COL25A1: variants seen among roughly 807,000 people sequenced by gnomAD.
COL25A1 encodes the protein collagen type XXV alpha 1 chain, also known as collagen alpha-1(XXV) chain.
In COL25A1, 103 loss-of-function variants were observed where a neutral mutation model predicts 128.4. The observed-to-expected ratio is 0.80, with a 90% CI of 0.68 to 0.94. COL25A1 has a LOEUF of 0.94. Ranked by LOEUF, COL25A1 falls within the 40% of genes least tolerant of loss-of-function variation. COL25A1 has a pLI of 0.00. For synonymous variants in COL25A1, 279 were observed against 277.2 expected (o/e 1.01, Z -0.06); for missense variants, 745 against 840.0 (o/e 0.89, Z 1.40).
At chr4:108,826,731 T>TA (rs1426233655) in intron 33 of COL25A1, among the ~76,000 whole-genome samples, 3 of 152,156 alleles carry the variant, frequency 2.0e-5, no homozygotes, top group Non-Finnish European at 4.4e-5. Context: ...TAGGAACAGA[T>TA]AAAGTCTGAA....
rs181240850 is a variant in COL25A1, at chr4:108,981,335, T to A, written c.439-6776A>T. 3.3e-3 allele frequency among the ~76,000 whole-genome samples: 504 copies of A among 152,364 alleles called. 3 individuals are homozygous for A. The highest frequency in any genetic ancestry group is 0.012 in the African/African-American group (496 of 41,580). ...TTCTGTTTTACTGGCACACATTTTT[T>A]AGAGACATTTCTTCTTCAAACCACT... On this transcript the variant is annotated intron_variant, in intron 6 of 37. Coordinates refer to ENST00000399132, the MANE Select transcript of COL25A1 (RefSeq NM_198721.4).
chr4:108,835,859 G>GTTTTT (rs1560721327), intron 31 of COL25A1, among the ~76,000 whole-genome samples: 1 of 89,518 alleles, frequency 1.1e-5, no homozygotes, highest in Non-Finnish European at 2.1e-5. Flanking sequence ...GCTTACATAC[G>GTTTTT]TCTTTTTTTT....
intron 3 of COL25A1, among the ~76,000 whole-genome samples, chr4:109,192,140 T>C (rs1324479761): frequency 6.6e-6 from 1 of 152,138 alleles, no homozygotes; most frequent in Non-Finnish European, 1.5e-5. Context: ...TTGGCTAGAA[T>C]ACAGGGTATG....
intron 3 of COL25A1, among the ~76,000 whole-genome samples, chr4:109,103,724 A>C (rs1396774649): frequency 6.6e-6 from 1 of 152,200 alleles, no homozygotes; most frequent in African/African-American, 2.4e-5. Context: ...GCATCTTGTC[A>C]TGGAAGCTAT....
At chr4:108,945,699 C>T (rs1018299868) in intron 8 of COL25A1, among the ~76,000 whole-genome samples, 1 of 152,112 alleles carries the variant, frequency 6.6e-6, no homozygotes, top group Non-Finnish European at 1.5e-5. Context: ...GAGTCTGGCT[C>T]TTCACCCAGG....
At chr4:109,209,911 C>G (rs573937934) in intron 3 of COL25A1, among the ~76,000 whole-genome samples, 1 of 151,782 alleles carries the variant, frequency 6.6e-6, no homozygotes, top group South Asian at 2.1e-4. Flanking sequence ...ATTAGCCAGG[C>G]GTAATGGTGG....
chr4:109,221,839 T>G (rs1369823794), intron 3 of COL25A1, among the ~76,000 whole-genome samples: 1 of 152,232 alleles, frequency 6.6e-6, no homozygotes, highest in East Asian at 1.9e-4. Context: ...TTTTAAGGAC[T>G]TTCATGCCTA....
chr4:109,084,815 A>G (rs145597492), intron 3 of COL25A1, among the ~76,000 whole-genome samples: 165 of 152,176 alleles, frequency 1.1e-3, no homozygotes, highest in African/African-American at 3.9e-3. Context: ...GTGGCATTTC[A>G]TTTTATGTTG....
At chr4:109,075,278 C>G (rs1763284967) in intron 3 of COL25A1, among the ~76,000 whole-genome samples, 1 of 152,052 alleles carries the variant, frequency 6.6e-6, no homozygotes, top group South Asian at 2.1e-4. Flanking sequence ...GATATGTAGG[C>G]ACTTTCTTTC....
chr4:108,882,835 T>C (rs1740290210), intron 19 of COL25A1, among the ~76,000 whole-genome samples: 1 of 152,138 alleles, frequency 6.6e-6, no homozygotes, highest in Non-Finnish European at 1.5e-5. Context: ...CTAAAATTGC[T>C]GAATGCCAAC....
intron 3 of COL25A1, among the ~76,000 whole-genome samples, chr4:109,169,745 A>T (rs1773417106): frequency 6.6e-6 from 1 of 152,172 alleles, no homozygotes; most frequent in South Asian, 2.1e-4. Context: ...ATTTAAGTTT[A>T]CTTAAAGTCA....
rs70949065 is a variant in COL25A1, at chr4:109,065,545, CGTGTGTGTGTGT to C, written c.368-15378_368-15367del. 8.9e-4 allele frequency among the ~76,000 whole-genome samples: 125 copies of C among 141,190 alleles called. 1 individual carries two copies. The highest frequency in any genetic ancestry group is 2.9e-3 in the African/African-American group (109 of 37,696). The allele number at this position is 141,190 out of a possible 152,430, so 92.6% of individuals were successfully genotyped here. A position where few individuals can be genotyped will look rare whatever the true frequency, so the allele number is the denominator to read the frequency against. On this transcript the variant is annotated intron_variant, in intron 3 of 37. Coordinates refer to ENST00000399132, the MANE Select transcript of COL25A1 (RefSeq NM_198721.4). ...TTTTGGTGCAGCACGCGCGCGCGCGCGTGTGTGTGTGTGTGTGTGTGTGTGTGTGTGTGTGTG... is the reference window on the plus strand; with the variant it reads ...TTTTGGTGCAGCACGCGCGCGCGCGCGTGTGTGTGTGTGTGTGTGTGTGTG...
Position 109,222,059 on chromosome 4 carries a change from C to CTTTTTTTT in COL25A1, c.367+78516_367+78523dup, listed in dbSNP as rs3041336. On this transcript the variant is annotated intron_variant, in intron 3 of 37. Coordinates refer to ENST00000399132, the MANE Select transcript of COL25A1 (RefSeq NM_198721.4). Reference sequence around the variant, plus strand: ...TTTGTATTTGTGCTCTAAATAACTTCTTTTTTTTTTTTTTTTTTTTTTTGA... The same window carrying CTTTTTTTT: ...TTTGTATTTGTGCTCTAAATAACTTCTTTTTTTTTTTTTTTTTTTTTTTTTTTTTTTGA... Among the ~76,000 whole-genome samples, 163 of 85,750 alleles carry CTTTTTTTT rather than the reference C, an allele frequency of 1.9e-3. 6 individuals are homozygous for CTTTTTTTT. Among genetic ancestry groups the CTTTTTTTT allele is most frequent in the East Asian group, 0.016 (44 of 2,682 alleles). The allele number at this position is 85,750 out of a possible 152,430, so 56.3% of individuals were successfully genotyped here. A position where few individuals can be genotyped will look rare whatever the true frequency, so the allele number is the denominator to read the frequency against.
chr4:109,116,520 C>T (rs1767579271), intron 3 of COL25A1, among the ~76,000 whole-genome samples: 1 of 151,988 alleles, frequency 6.6e-6, no homozygotes, highest in African/African-American at 2.4e-5. Flanking sequence ...TTGTAGAACT[C>T]TCCTCCTCTC....
At chr4:109,071,886 G>A (rs1762999648) in intron 3 of COL25A1, among the ~76,000 whole-genome samples, 3 of 152,224 alleles carry the variant, frequency 2.0e-5, no homozygotes, top group Admixed American at 6.5e-5. Context: ...GGAAGACAGT[G>A]TGGCAATTCC....
chr4:108,931,890 A>G (rs1228281853), intron 11 of COL25A1, among the ~76,000 whole-genome samples: 1 of 152,210 alleles, frequency 6.6e-6, no homozygotes, highest in African/African-American at 2.4e-5. Context: ...TTCATGGACA[A>G]TCAGATTAAG....
intron 3 of COL25A1, among the ~76,000 whole-genome samples, chr4:109,258,258 A>G (rs1043628470): frequency 6.6e-6 from 1 of 152,216 alleles, no homozygotes; most frequent in African/African-American, 2.4e-5. Context: ...AGAAATCAAA[A>G]TGGTTTTTCA....
intron 15 of COL25A1, 143 bp downstream of exon 15, chr4:108,899,011 A>G: frequency 3.4e-6 from 2 of 585,920 alleles, no homozygotes; most frequent in Non-Finnish European, 6.1e-6. Flanking sequence ...ATATATCTAT[A>G]TACCTACCTA....
rs1386152670 is a variant in COL25A1 at position 109,135,046 on chromosome 4, A to C, written c.368-84867T>G. Among the ~76,000 whole-genome samples the C allele has an allele frequency of 5.5e-5, 8 of 145,734 alleles. No homozygotes were observed. In the East Asian group the frequency reaches 1.0e-3, roughly 18 times the overall value. ...TGTCAAAAAAAAAAAAAAAAAAAAAACCAAGAGAATGCTATTCAGAAACAC... is the reference window on the plus strand; with the variant it reads ...TGTCAAAAAAAAAAAAAAAAAAAAACCCAAGAGAATGCTATTCAGAAACAC... On this transcript the variant is annotated intron_variant, in intron 3 of 37. Transcript: ENST00000399132.
Sources: allele counts gnomAD v4.1 joint callset (sites outside exome capture counted in the v4.1 genomes callset), GRCh38; gene constraint gnomAD v4.1.1; transcripts MANE v1.5; gene names NCBI Gene and HGNC (gene_info 2026-07-23, HGNC 2026-07-21).